The following NKD1 variants were observed in gnomAD, a reference collection of about 807,000 sequenced individuals.
NKD1 encodes protein naked cuticle homolog 1.
In NKD1, 21 loss-of-function variants were observed where a neutral mutation model predicts 56.0. That is an observed-to-expected ratio of 0.38 (90% CI 0.27 to 0.54). The LOEUF (loss-of-function observed/expected upper bound fraction) is 0.54, where lower values mean the gene tolerates loss of function less well. Ranked by LOEUF, NKD1 falls within the 20% of genes least tolerant of loss-of-function variation. NKD1 has a pLI of 0.82. For missense variants in NKD1, 578 were observed against 642.7 expected (o/e 0.90, Z 1.09); for synonymous variants, 263 against 265.7 (o/e 0.99, Z 0.10).
intron 3 of NKD1, among the ~76,000 whole-genome samples, chr16:50,599,200 G>A (rs1405729475): frequency 1.3e-5 from 2 of 152,140 alleles, no homozygotes; most frequent in Admixed American, 1.3e-4. Context: ...TGAGGGAAGA[G>A]AATGAAAGAC....
intron 3 of NKD1, among the ~76,000 whole-genome samples, chr16:50,581,901 T>C (rs1567340196): frequency 6.6e-6 from 1 of 152,150 alleles, no homozygotes; most frequent in East Asian, 1.9e-4. Flanking sequence ...GCAGAGAGCA[T>C]GTTGCTGATT....
At chr16:50,562,923 T>C (rs1960666227) in intron 3 of NKD1, among the ~76,000 whole-genome samples, 1 of 149,650 alleles carries the variant, frequency 6.7e-6, no homozygotes, top group South Asian at 2.1e-4. Context: ...CAAGCGGATT[T>C]AGAGCTACCC....
chr16:50,614,794 T>C (rs1462458840), intron 4 of NKD1, among the ~76,000 whole-genome samples: 2 of 152,182 alleles, frequency 1.3e-5, no homozygotes, highest in Non-Finnish European at 2.9e-5. Flanking sequence ...ACAATCTTAA[T>C]AGATTGAGGA....
At chr16:50,560,185 C>A (rs1398468917) in intron 3 of NKD1, among the ~76,000 whole-genome samples, 6 of 152,342 alleles carry the variant, frequency 3.9e-5, no homozygotes, top group African/African-American at 1.4e-4. Flanking sequence ...TTTCAGCGGG[C>A]ACTGGGGACT....
intron 5 of NKD1, among the ~76,000 whole-genome samples, chr16:50,622,520 C>A (rs897105580): frequency 1.2e-4 from 18 of 152,172 alleles, no homozygotes; most frequent in African/African-American, 4.3e-4. Context: ...TTCCTGAGAC[C>A]ACCAGGGCAT....
chr16:50,604,296 G>C (rs1487140627), intron 3 of NKD1, among the ~76,000 whole-genome samples: 1 of 152,196 alleles, frequency 6.6e-6, no homozygotes, highest in Non-Finnish European at 1.5e-5. Context: ...CAGTCCTTTG[G>C]AATACCTGAA....
intron 3 of NKD1, among the ~76,000 whole-genome samples, chr16:50,562,714 C>A (rs992138135): frequency 4.6e-5 from 7 of 151,938 alleles, no homozygotes; most frequent in Non-Finnish European, 1.0e-4. Flanking sequence ...CCGACTGGAC[C>A]CTGAAGGAAA....
intron 3 of NKD1, 94 bp from the exon 4 acceptor site, chr16:50,608,200 G>A: frequency 1.2e-6 from 1 of 867,050 alleles, no homozygotes; most frequent in Non-Finnish European, 2.0e-6. Context: ...CCAATCAGAA[G>A]AATCAGCCCA....
Position 50,630,200 on chromosome 16 carries a change from G to T in NKD1, c.477G>T (p.Leu159Phe). The T allele has an allele frequency of 1.9e-6, 3 of 1,614,084 alleles. No individual in the cohort carries two copies. Among genetic ancestry groups the T allele is most frequent in the Non-Finnish European group, 2.5e-6 (3 of 1,180,000 alleles). Reference sequence around the variant, plus strand: ...CTCCCATTCAGGACATCACCAGCTTGCTGCACACCATCTATGAGGTGGTGG... The same window carrying T: ...CTCCCATTCAGGACATCACCAGCTTTCTGCACACCATCTATGAGGTGGTGG... Reference protein sequence around the residue: ...GKVTREDITSLLHTIYEVVDS... With the variant: ...GKVTREDITSFLHTIYEVVDS... The change falls in exon 7 of 10, where the codon TTG (leucine) becomes TTT (phenylalanine). Residue 159 changes from leucine (L) to phenylalanine (F), a missense_variant. Physicochemically the swap from Leu to Phe is conservative, Grantham distance 22 (BLOSUM62 0). Transcript: ENST00000268459.
chr16:50,552,937 A>T (rs572748779), intron 3 of NKD1, among the ~76,000 whole-genome samples: 1 of 152,224 alleles, frequency 6.6e-6, no homozygotes, highest in African/African-American at 2.4e-5. Flanking sequence ...GAGCAAGTCC[A>T]AGGGAATATG....
At chr16:50,622,029 T>G (rs1035653871) in intron 5 of NKD1, among the ~76,000 whole-genome samples, 1 of 152,186 alleles carries the variant, frequency 6.6e-6, no homozygotes, top group Non-Finnish European at 1.5e-5. Context: ...TCTCTGGGCC[T>G]CAGTTTCCTC....
At chr16:50,594,527 A>G (rs1445906948) in intron 3 of NKD1, among the ~76,000 whole-genome samples, 1 of 152,190 alleles carries the variant, frequency 6.6e-6, no homozygotes, top group Non-Finnish European at 1.5e-5. Context: ...GCAGTGGAGG[A>G]AGCAGGACAG....
chr16:50,595,643 G>A (rs1311383490), intron 3 of NKD1, among the ~76,000 whole-genome samples: 4 of 152,162 alleles, frequency 2.6e-5, no homozygotes, highest in Non-Finnish European at 4.4e-5. Context: ...AACAGCAATA[G>A]CTCACACGTG....
intron 3 of NKD1, among the ~76,000 whole-genome samples, chr16:50,554,766 A>T (rs1960465432): frequency 1.3e-5 from 2 of 152,178 alleles, no homozygotes; most frequent in South Asian, 4.2e-4. Flanking sequence ...CTATAGGTGC[A>T]CGCCACTGTG....
intron 4 of NKD1, among the ~76,000 whole-genome samples, chr16:50,611,500 G>A (rs1018096458): frequency 3.2e-4 from 49 of 152,322 alleles, no homozygotes; most frequent in African/African-American, 9.9e-4. Flanking sequence ...CTGGCCTGGC[G>A]TGCGCATGTG....
chr16:50,631,717 GA>G (rs1174233656), intron 8 of NKD1, among the ~76,000 whole-genome samples: 3 of 152,162 alleles, frequency 2.0e-5, no homozygotes, highest in East Asian at 3.9e-4. Flanking sequence ...CCCTGCAGGG[GA>G]AAAAGAAAGC....
chr16:50,548,575 C>T lies in NKD1; in HGVS notation c.22C>T (p.Pro8Ser). The part of the protein sequence containing the change: MGKLHSK[P>S]AAVCKRRESP... ...CAGCATGGGGAAACTTCACTCCAAG[C>T]CGGGTCAGTGCCCCCGCCCGCGCGC... is the stretch of plus-strand genomic sequence containing the variant. The change falls in exon 1 of 10, where the codon CCG (proline) becomes TCG (serine). Residue 8 changes from proline (P) to serine (S), a missense_variant. Coordinates refer to ENST00000268459, the MANE Select transcript of NKD1 (RefSeq NM_033119.5). The T allele has an allele frequency of 6.8e-7, 1 of 1,470,336 alleles. No individual in the cohort carries two copies. The highest frequency in any genetic ancestry group is 1.3e-5 in the South Asian group (1 of 77,900). 91.1% of individuals were successfully genotyped at this position (1,470,336 alleles called of 1,614,324 possible).
chr16:50,630,311 G>A lies in NKD1; in HGVS notation c.588G>A (p.Arg196=), dbSNP rs1962315322. 4 of 1,614,076 alleles carry A rather than the reference G, an allele frequency of 2.5e-6. No homozygotes were observed. The highest frequency in any genetic ancestry group is 1.3e-5 in the African/African-American group (1 of 74,936). The change falls in exon 7 of 10, where the codon AGG becomes AGA. Residue 196 remains arginine, a synonymous_variant. Transcript: ENST00000268459. ...TVAPDGSQSK[R]SVLVNQADLQ... Reference sequence around the variant, plus strand: ...CCCCCGATGGCAGCCAGAGCAAGAGGAGCGTCCTTGTCAATCAGGCTGGTG... The same window carrying A: ...CCCCCGATGGCAGCCAGAGCAAGAGAAGCGTCCTTGTCAATCAGGCTGGTG...
At position 50,638,126 on chromosome 16, in the gene NKD1, G is replaced by A. The variant is rs999770174; in HGVS notation, c.*4345G>A. 2.6e-5 allele frequency: 4 copies of A among 152,340 alleles called. No individual in the cohort carries two copies. In the East Asian group the frequency reaches 7.7e-4, roughly 29 times the overall value. The allele number at this position is 152,340 out of a possible 1,614,324, so 9.4% of individuals were successfully genotyped here. ...CTAGAGGGAAGGCAGCCTCTGAAGTGTGGCAGGAGGAGGGGAAGTCTGCCT... is the reference window on the plus strand; with the variant it reads ...CTAGAGGGAAGGCAGCCTCTGAAGTATGGCAGGAGGAGGGGAAGTCTGCCT... On this transcript the variant is annotated 3_prime_UTR_variant, in exon 10 of 10. Coordinates refer to ENST00000268459, the MANE Select transcript of NKD1 (RefSeq NM_033119.5).
Sources: gnomAD v4.1 joint callset for allele counts (sites outside exome capture counted in the v4.1 genomes callset) on GRCh38, gnomAD v4.1.1 for gene constraint, MANE v1.5 for transcripts, NCBI Gene and HGNC (gene_info 2026-07-23, HGNC 2026-07-21) for gene names.